Variants in HGS observed in about 807,000 individuals in gnomAD.
HGS encodes human growth factor-regulated tyrosine kinase substrate.
In HGS, 63 loss-of-function variants were observed where a neutral mutation model predicts 109.7. The ratio of observed to expected loss-of-function variants is 0.57; its 90% CI spans 0.47 to 0.71. The LOEUF (loss-of-function observed/expected upper bound fraction) is 0.71, where lower values mean the gene tolerates loss of function less well. Among genes scored for constraint, HGS ranks in the 30% least tolerant of loss-of-function variants. The pLI, the probability that HGS is intolerant of heterozygous loss-of-function variation, is 0.00. For missense variants in HGS, 995 were observed against 1,068.3 expected (o/e 0.93, Z 0.96); for synonymous variants, 546 against 437.3 (o/e 1.25, Z -3.10).
intron 5 of HGS, 132 bp from the exon 6 acceptor site, chr17:81,690,050 C>G (rs927891344): frequency 4.5e-6 from 4 of 892,930 alleles, no homozygotes; most frequent in Non-Finnish European, 6.8e-6. Flanking sequence ...GAGGCTGTCT[C>G]GGTGCCCCCA....
intron 4 of HGS, among the ~76,000 whole-genome samples, chr17:81,688,343 G>A (rs1052692740): frequency 6.6e-6 from 1 of 152,236 alleles, no homozygotes; most frequent in East Asian, 1.9e-4. Flanking sequence ...GTACCCCTGT[G>A]TTCTCAGCCC....
At chr17:81,690,362 C>CT in intron 6 of HGS, 128 bp downstream of exon 6, 1 of 974,260 alleles carries the variant, frequency 1.0e-6, no homozygotes, top group South Asian at 1.5e-5. Flanking sequence ...CTGAGGATGC[C>CT]TGTGTGTCCT....
intron 13 of HGS, 31 bp from the exon 14 acceptor site, chr17:81,695,133 T>C (rs747004902): frequency 1.9e-6 from 3 of 1,613,650 alleles, no homozygotes; most frequent in Non-Finnish European, 2.5e-6. Context: ...GCGGGACAGG[T>C]TGGAGGCCCC....
intron 1 of HGS, 138 bp from the exon 2 acceptor site, chr17:81,685,467 G>A (rs2036964010): frequency 3.4e-6 from 2 of 579,838 alleles, no homozygotes; most frequent in African/African-American, 1.9e-5. Context: ...CGCTCAGGAG[G>A]ATTCTGTCAT....
chr17:81,695,304 G>C lies in HGS; in HGVS notation c.1179+81G>C. On this transcript the variant is annotated intron_variant, in intron 14 of 21. Transcript: ENST00000329138. ...CGCCAGGCACATGGCACAGGTGCCT[G>C]CCCTAACCAGAGGGCCGTGCTAGAG... The C allele has an allele frequency of 2.7e-6, 4 of 1,460,112 alleles. No homozygotes were observed. The South Asian group carries it at 4.6e-5, about 17-fold the overall frequency. The allele number at this position is 1,460,112 out of a possible 1,614,324, so 90.4% of individuals were successfully genotyped here.
rs2037098735 is a variant in HGS, at chr17:81,693,594, C to T, written c.741+13C>T. 4 of 1,579,798 alleles carry T rather than the reference C, an allele frequency of 2.5e-6. No homozygotes were observed. The highest frequency in any genetic ancestry group is 2.2e-5 in the East Asian group (1 of 44,496). On this transcript the variant is annotated intron_variant, in intron 9 of 21. Coordinates refer to ENST00000329138, the MANE Select transcript of HGS (RefSeq NM_004712.5). ...TCAGCAGTCCCAGGTACTCAGCCCC[C>T]TCCGTCCCGTGGGCACCTCTTCCCC...
Position 81,693,530 on chromosome 17 carries a change from C to T in HGS, c.690C>T (p.Thr230=), listed in dbSNP as rs753572210. The change falls in exon 9 of 22, where the codon ACC becomes ACT. Residue 230 remains threonine (T), a synonymous_variant. Coordinates refer to ENST00000329138, the MANE Select transcript of HGS (RefSeq NM_004712.5). ...AAGCGGAGGGAAAGGCCACTTCCAC[C>T]ACTGAGCTGCCCCCCGAGTACCTGA... ...NRKAEGKATS[T]TELPPEYLTS... is the part of the protein sequence containing the mutation. The T allele has an allele frequency of 6.2e-7, 1 of 1,613,352 alleles. No individual in the cohort carries two copies. The highest frequency in any genetic ancestry group is 1.1e-5 in the South Asian group (1 of 91,036).
At position 81,686,319 on chromosome 17, in the gene HGS, T is replaced by TA; in HGVS notation, c.131dup (p.Tyr44Ter). The TA allele has an allele frequency of 6.2e-7, 1 of 1,613,354 alleles. No homozygotes were observed. Among genetic ancestry groups the TA allele is most frequent in the Non-Finnish European group, 8.5e-7 (1 of 1,179,774 alleles). ...LIRQGDTQAK[Y>*]AVNSIKKKVN... ...TCAATGTTTCCTTTTCAGAGCAAAA[T>TA]ATGCTGTGAATTCCATCAAGAAGAA... The change falls in exon 3 of 22, where the codon TAT (tyrosine) becomes TAAT (stop). Residue 44 changes from tyrosine to a stop codon, truncating the protein, a stop_gained and frameshift_variant. Coordinates refer to ENST00000329138, the MANE Select transcript of HGS (RefSeq NM_004712.5). LOFTEE classifies it high-confidence loss of function.
rs760029152 is a variant in HGS, at chr17:81,700,685, C to A, written c.2017-10C>A. 5.9e-6 allele frequency: 9 copies of A among 1,533,596 alleles called. No homozygotes were observed. The Admixed American group carries it at 1.4e-4, about 24-fold the overall frequency. 95.0% of individuals were successfully genotyped at this position (1,533,596 alleles called of 1,614,324 possible). On this transcript the variant is annotated splice_polypyrimidine_tract_variant and intron_variant, in intron 19 of 21. Transcript: ENST00000329138. ...AGCCCCTTCTCCCATGGCACTCATT[C>A]CCTCCGCAGAACGTGGCCTCCCAGG...
chr17:81,687,775 C>T (rs1321156349), intron 4 of HGS, among the ~76,000 whole-genome samples: 1 of 152,078 alleles, frequency 6.6e-6, no homozygotes, highest in African/African-American at 2.4e-5. Flanking sequence ...CCCCTTCTGT[C>T]CCAACCTGTG....
Position 81,701,586 on chromosome 17 carries a change from G to A in HGS, c.2302G>A (p.Gly768Ser), listed in dbSNP as rs2037238294. The A allele has an allele frequency of 6.4e-7, 1 of 1,569,650 alleles. No individual in the cohort carries two copies. The highest frequency in any genetic ancestry group is 8.6e-7 in the Non-Finnish European group (1 of 1,164,614). Residue 768 changes from glycine (G) to serine (S), a missense_variant, in exon 22 of 22, where the codon GGC becomes AGC. Gly to Ser is a moderately conservative substitution (Grantham distance 56). Around this residue, in one of 6 missense-constraint regions of HGS, gnomAD observed 326 missense variants for 309.7 expected, o/e 1.05. Transcript: ENST00000329138. ...GCAGGCACAGGGGCCGCCGGCACAG[G>A]GCAGCGAGGCCCAGCTCATTTCATT... Reference protein sequence around the residue: ...QPQAQGPPAQGSEAQLISFD With the variant: ...QPQAQGPPAQSSEAQLISFD
chr17:81,691,971 G>C lies in HGS; in HGVS notation c.662+400G>C, dbSNP rs1446913162. Reference sequence around the variant, plus strand: ...CGCGGCCGGTGCCTCGGCGGTCGGTGTTTTGTCGCAGAGTTTACTCTGCCT... The same window carrying C: ...CGCGGCCGGTGCCTCGGCGGTCGGTCTTTTGTCGCAGAGTTTACTCTGCCT... On this transcript the variant is annotated intron_variant, in intron 8 of 21. Coordinates refer to ENST00000329138, the MANE Select transcript of HGS (RefSeq NM_004712.5). The surrounding 1 kb of genome is among the most constrained non-coding windows in gnomAD (Gnocchi z 5.3). The C allele has an allele frequency of 1.0e-5, 2 of 197,348 alleles. No individual in the cohort carries two copies. Among genetic ancestry groups the C allele is most frequent in the African/African-American group, 4.6e-5 (2 of 43,384 alleles). The allele number at this position is 197,348 out of a possible 1,614,324, so 12.2% of individuals were successfully genotyped here. A position where few individuals can be genotyped will look rare whatever the true frequency, so the allele number is the denominator to read the frequency against.
chr17:81,690,325 G>C (rs868812635), intron 6 of HGS, 91 bp downstream of exon 6: 3 of 1,321,874 alleles, frequency 2.3e-6, no homozygotes, highest in Middle Eastern at 1.9e-4. Context: ...TTGAGGGTTG[G>C]TGGCTGAGCT....
At chr17:81,685,517 G>A (rs1342061859) in intron 1 of HGS, 88 bp from the exon 2 acceptor site, 4 of 778,512 alleles carry the variant, frequency 5.1e-6, no homozygotes, top group South Asian at 3.5e-5. Flanking sequence ...GGGAAGGAGA[G>A]AGTCCCCCCC....
At chr17:81,685,886 G>C (rs1219433844) in intron 2 of HGS, among the ~76,000 whole-genome samples, 197 bp downstream of exon 2, 1 of 152,190 alleles carries the variant, frequency 6.6e-6, no homozygotes, top group South Asian at 2.1e-4. Context: ...GCAGATACCT[G>C]GTTATGTTTG....
At position 81,695,280 on chromosome 17, in the gene HGS, G is replaced by A. The variant is rs543411331; in HGVS notation, c.1179+57G>A. On this transcript the variant is annotated intron_variant, in intron 14 of 21. Transcript: ENST00000329138. ...AAAACATGGCCTCCTGGCCCACAGC[G>A]CCAGGCACATGGCACAGGTGCCTGC... 4.8e-5 allele frequency: 75 copies of A among 1,566,524 alleles called. 2 individuals carry two copies. In the Admixed American group the frequency reaches 7.9e-4, roughly 16 times the overall value.
intron 11 of HGS, among the ~76,000 whole-genome samples, chr17:81,694,290 C>T (rs188815932): frequency 1.3e-5 from 2 of 152,358 alleles, no homozygotes; most frequent in East Asian, 1.9e-4. Context: ...GCATCCACGT[C>T]ACCTCTCCCT....
Position 81,696,713 on chromosome 17 carries a change from C to A in HGS, c.1673C>A (p.Ala558Glu). 6.2e-7 allele frequency: 1 copy of A among 1,608,608 alleles called. No individual in the cohort carries two copies. Among genetic ancestry groups the A allele is most frequent in the Non-Finnish European group, 8.5e-7 (1 of 1,177,492 alleles). Residue 558 changes from alanine (A) to glutamate (E), a missense_variant, in exon 17 of 22, where the codon GCG becomes GAG. By Grantham distance (107) the Ala-to-Glu change is moderately radical (BLOSUM62 -1). Coordinates refer to ENST00000329138, the MANE Select transcript of HGS (RefSeq NM_004712.5). ...CAGAAGCAGACGGTCCAGATGCGCGCGCAGATGCCCGCCTTCCCCCTGCCC... is the reference window on the plus strand; with the variant it reads ...CAGAAGCAGACGGTCCAGATGCGCGAGCAGATGCCCGCCTTCCCCCTGCCC... The part of the protein sequence containing the change: ...EQQKQTVQMR[A>E]QMPAFPLPYA...
intron 11 of HGS, among the ~76,000 whole-genome samples, chr17:81,694,477 T>C (rs1393125295): frequency 6.6e-6 from 1 of 152,170 alleles, no homozygotes; most frequent in Non-Finnish European, 1.5e-5. Flanking sequence ...CTTCTTCCCT[T>C]CCTTCCGGGC....
Sources: allele counts gnomAD v4.1 joint callset (sites outside exome capture counted in the v4.1 genomes callset), GRCh38; gene constraint gnomAD v4.1.1; regional missense constraint gnomAD v4.1.1; non-coding constraint Gnocchi (gnomAD v3.1); transcripts MANE v1.5; gene names NCBI Gene and HGNC (gene_info 2026-07-23, HGNC 2026-07-21).